TANC1: variants seen among roughly 807,000 people sequenced by gnomAD.
TANC1 encodes tetratricopeptide repeat, ankyrin repeat and coiled-coil containing 1.
A neutral mutation model predicts 149.7 loss-of-function variants in TANC1; 77 were observed. The ratio of observed to expected loss-of-function variants is 0.51; its 90% CI spans 0.43 to 0.62. The LOEUF (loss-of-function observed/expected upper bound fraction) is 0.62, where lower values mean the gene tolerates loss of function less well. TANC1 is among the 20% of genes least tolerant of loss of function. TANC1 has a pLI of 0.00. For synonymous variants in TANC1, 854 were observed against 925.0 expected (o/e 0.92, Z 1.39); for missense variants, 1,985 against 2,321.8 (o/e 0.85, Z 2.98).
chr2:159,004,447 AT>A, intron 2 of TANC1: 3 of 755,716 alleles, frequency 4.0e-6, no homozygotes, highest in Admixed American at 5.0e-5. Flanking sequence ...TTCTATATTA[AT>A]AATGCTGTTT....
chr2:159,036,965 C>T (rs184301797), intron 2 of TANC1, among the ~76,000 whole-genome samples: 186 of 152,246 alleles, frequency 1.2e-3, no homozygotes, highest in African/African-American at 4.1e-3. Context: ...AACTAGTTTA[C>T]AATCCCACCA....
intron 3 of TANC1, among the ~76,000 whole-genome samples, chr2:159,089,255 C>T (rs916577559): frequency 1.3e-4 from 20 of 152,182 alleles, no homozygotes; most frequent in Non-Finnish European, 1.8e-4. Context: ...CCTTTTCTGG[C>T]AGTCTCTTCC....
intron 9 of TANC1, 47 bp from the exon 10 acceptor site, chr2:159,170,477 T>C: frequency 6.6e-7 from 1 of 1,518,936 alleles, no homozygotes; most frequent in Non-Finnish European, 8.9e-7. Context: ...TTTCTTAGTT[T>C]ATAAAATTAT....
At chr2:159,042,049 T>G (rs2040686451) in intron 2 of TANC1, among the ~76,000 whole-genome samples, 1 of 152,136 alleles carries the variant, frequency 6.6e-6, no homozygotes, top group Admixed American at 6.6e-5. Context: ...GACCCTGAAG[T>G]CAGGGAAAGG....
intron 2 of TANC1, among the ~76,000 whole-genome samples, chr2:159,058,047 C>G (rs150475071): frequency 1.3e-5 from 2 of 152,184 alleles, no homozygotes; most frequent in Non-Finnish European, 2.9e-5. Flanking sequence ...TGTAAGTGAG[C>G]AGGAGCTCTC....
At chr2:159,226,942 T>G (rs559769367) in intron 24 of TANC1, 2 of 152,312 alleles carry the variant, frequency 1.3e-5, no homozygotes, top group East Asian at 3.9e-4. Flanking sequence ...TGCAGGCCAT[T>G]TGCATAGGTC....
At chr2:159,146,013 G>A (rs2052040828) in intron 5 of TANC1, among the ~76,000 whole-genome samples, 1 of 152,210 alleles carries the variant, frequency 6.6e-6, no homozygotes, top group Non-Finnish European at 1.5e-5. Context: ...TGGTCTGTTT[G>A]AATTTGACTT....
intron 1 of TANC1, among the ~76,000 whole-genome samples, chr2:158,976,072 G>C (rs966603792): frequency 2.0e-5 from 3 of 151,970 alleles, no homozygotes; most frequent in Non-Finnish European, 4.4e-5. Flanking sequence ...GGGCTCAAGG[G>C]ATCCTCCCAC....
At chr2:158,995,952 C>G (rs1312403732) in intron 1 of TANC1, among the ~76,000 whole-genome samples, 1 of 152,232 alleles carries the variant, frequency 6.6e-6, no homozygotes, top group African/African-American at 2.4e-5. Context: ...TCTGTTTCTT[C>G]TTTGTCAGAT....
chr2:159,005,288 G>C (rs1309138846), intron 2 of TANC1, among the ~76,000 whole-genome samples: 1 of 152,148 alleles, frequency 6.6e-6, no homozygotes, highest in Non-Finnish European at 1.5e-5. Context: ...TGGTTTTAGA[G>C]GAGGCTTGAA....
At chr2:159,030,490 T>C (rs1010192085) in intron 2 of TANC1, among the ~76,000 whole-genome samples, 4 of 152,320 alleles carry the variant, frequency 2.6e-5, no homozygotes, top group African/African-American at 9.6e-5. Flanking sequence ...TATTTCATAG[T>C]TGTAATTTCA....
intron 11 of TANC1, 116 bp downstream of exon 11, chr2:159,172,388 A>G (rs2055355178): frequency 2.2e-6 from 2 of 903,526 alleles, no homozygotes; most frequent in Admixed American, 5.6e-5. Context: ...ATGATAAAGT[A>G]TAGCTTTTAA....
intron 14 of TANC1, among the ~76,000 whole-genome samples, chr2:159,183,793 A>C (rs763631541): frequency 6.6e-6 from 1 of 152,112 alleles, no homozygotes; most frequent in Non-Finnish European, 1.5e-5. Context: ...TTGGGAATGT[A>C]AGGAGGAGGG....
At chr2:159,193,068 T>C (rs2057573468) in intron 16 of TANC1, among the ~76,000 whole-genome samples, 1 of 152,260 alleles carries the variant, frequency 6.6e-6, no homozygotes, top group South Asian at 2.1e-4. Flanking sequence ...TGTTGTGCGA[T>C]AGATGTCCAG....
chr2:159,162,853 GTTGT>G (rs1427185461), intron 7 of TANC1, among the ~76,000 whole-genome samples: 3 of 152,068 alleles, frequency 2.0e-5, no homozygotes, highest in Admixed American at 6.5e-5. Flanking sequence ...TAACCATTCT[GTTGT>G]TTGTTCCCAC....
At chr2:159,075,756 T>G (rs948974109) in intron 3 of TANC1, among the ~76,000 whole-genome samples, 2 of 152,164 alleles carry the variant, frequency 1.3e-5, no homozygotes, top group Admixed American at 6.5e-5. Context: ...TGTTTCCATA[T>G]TTTTTTCATT....
At chr2:159,215,884 A>T (rs959288906) in intron 19 of TANC1, among the ~76,000 whole-genome samples, 1 of 151,454 alleles carries the variant, frequency 6.6e-6, no homozygotes, top group Non-Finnish European at 1.5e-5. Context: ...CTGATTGACT[A>T]TGCCACTTTC....
At chr2:159,096,265 G>A (rs993788317) in intron 3 of TANC1, among the ~76,000 whole-genome samples, 1 of 146,928 alleles carries the variant, frequency 6.8e-6, no homozygotes, top group Non-Finnish European at 1.5e-5. Flanking sequence ...AGGAAAATGT[G>A]TTATCTGAAT....
chr2:159,214,907 A>T (rs1331929273), intron 19 of TANC1, among the ~76,000 whole-genome samples: 1 of 152,208 alleles, frequency 6.6e-6, no homozygotes, highest in African/African-American at 2.4e-5. Context: ...ACAGGCCATC[A>T]TCTGGGTGGT....
Sources: allele counts gnomAD v4.1 joint callset (sites outside exome capture counted in the v4.1 genomes callset), GRCh38; gene constraint gnomAD v4.1.1; transcripts MANE v1.5; gene names NCBI Gene and HGNC (gene_info 2026-07-23, HGNC 2026-07-21).